Variants in RAB3GAP2 observed in about 807,000 individuals in gnomAD.
RAB3GAP2 encodes the protein rab3 GTPase-activating protein non-catalytic subunit.
A neutral mutation model predicts 185.3 loss-of-function variants in RAB3GAP2; 87 were observed. The ratio of observed to expected loss-of-function variants is 0.47; its 90% confidence interval spans 0.39 to 0.56. The LOEUF is 0.56. RAB3GAP2 is among the 20% of genes least tolerant of loss of function. RAB3GAP2 has a pLI of 0.00. For synonymous variants in RAB3GAP2, 554 were observed against 576.1 expected, an observed-to-expected ratio of 0.96 and a Z score of 0.55; for missense variants, 1,492 against 1,638.2, an observed-to-expected ratio of 0.91 and a Z score of 1.54.
intron 1 of RAB3GAP2, chr1:220,266,769 T>C: frequency 6.3e-7 from 1 of 1,593,004 alleles, no homozygotes; most frequent in South Asian, 1.1e-5. Flanking sequence ...TTTGCTGTGA[T>C]CCAGGGGTAT....
chr1:220,272,356 T>A lies in RAB3GAP2; in HGVS notation c.-19A>T. 2 of 1,574,516 alleles carry A rather than the reference T, an allele frequency of 1.3e-6. No individual in the cohort carries two copies. The highest frequency in any genetic ancestry group is 3.5e-5 in the Admixed American group (2 of 57,456). ...AGGCCATGGCTCCAGGGAACCCCACTACGGCACTCACCTTACCTCACCACG... is the reference window on the plus strand; with the variant it reads ...AGGCCATGGCTCCAGGGAACCCCACAACGGCACTCACCTTACCTCACCACG... On this transcript the variant is annotated 5_prime_UTR_variant, in exon 1 of 35. Transcript: ENST00000358951.
intron 2 of RAB3GAP2, among the ~76,000 whole-genome samples, chr1:220,227,668 G>A (rs1328585997): frequency 1.3e-5 from 2 of 152,138 alleles, no homozygotes; most frequent in Non-Finnish European, 2.9e-5. Context: ...CCCGACTAAT[G>A]CAGAAGAAAA....
At chr1:220,168,179 G>A (rs1330726688) in intron 24 of RAB3GAP2, among the ~76,000 whole-genome samples, 3 of 152,026 alleles carry the variant, frequency 2.0e-5, no homozygotes, top group East Asian at 1.9e-4. Flanking sequence ...TGCAACCTCC[G>A]CCTCCCAGGT....
chr1:220,203,805 T>TA (rs988444201), intron 8 of RAB3GAP2, among the ~76,000 whole-genome samples: 10 of 151,998 alleles, frequency 6.6e-5, no homozygotes, highest in African/African-American at 2.2e-4. Flanking sequence ...AAACTAATTG[T>TA]AAAAAAAGAA....
At chr1:220,157,582 T>C (rs1246059806) in intron 30 of RAB3GAP2, 94 bp from the exon 31 acceptor site, 1 of 1,287,412 alleles carries the variant, frequency 7.8e-7, no homozygotes, top group Admixed American at 1.8e-5. Flanking sequence ...AAGTGCAAAT[T>C]CATATTGCAC....
intron 1 of RAB3GAP2, among the ~76,000 whole-genome samples, chr1:220,237,748 G>T (rs1659621115): frequency 6.6e-6 from 1 of 152,094 alleles, no homozygotes; most frequent in African/African-American, 2.4e-5. Context: ...TCCTTTGCCT[G>T]TCATCACTCT....
At chr1:220,235,268 T>G (rs1242065203) in intron 1 of RAB3GAP2, among the ~76,000 whole-genome samples, 2 of 152,230 alleles carry the variant, frequency 1.3e-5, no homozygotes, top group Non-Finnish European at 2.9e-5. Context: ...TTTTGGCGAT[T>G]TAATTCAATT....
rs1228907168 is a variant in RAB3GAP2 at position 220,202,318 on chromosome 1, C to A, written c.769G>T (p.Gly257Cys). ...QPPPLAYKKWGLQDIDTIIDH... is the reference protein window; with the variant it reads ...QPPPLAYKKWCLQDIDTIIDH... ...ATAATAGTGTCAATATCTTGTAGAC[C>A]CCATTTCTTATAAGCTAATGGTGGT... The change falls in exon 9 of 35, where the codon GGT becomes TGT. Residue 257 changes from glycine to cysteine, a missense_variant. Physicochemically the swap from Gly to Cys is radical, Grantham distance 159. Around this residue, in one of 5 missense-constraint regions of RAB3GAP2, gnomAD observed 243 missense variants for 314.8 expected, o/e 0.77. Coordinates refer to ENST00000358951, the MANE Select transcript of RAB3GAP2 (RefSeq NM_012414.4). 1.2e-6 allele frequency: 2 copies of A among 1,613,576 alleles called. No homozygotes were observed. Among genetic ancestry groups the A allele is most frequent in the Non-Finnish European group, 1.7e-6 (2 of 1,179,870 alleles).
intron 23 of RAB3GAP2, among the ~76,000 whole-genome samples, 169 bp downstream of exon 23, chr1:220,171,720 A>G (rs547479662): frequency 6.0e-4 from 92 of 152,274 alleles, no homozygotes; most frequent in Non-Finnish European, 1.0e-3. Context: ...CCATGTGACA[A>G]CTGCTAAATT....
intron 1 of RAB3GAP2, among the ~76,000 whole-genome samples, chr1:220,237,862 AACT>A (rs1194577126): frequency 6.6e-6 from 1 of 151,592 alleles, no homozygotes; most frequent in Non-Finnish European, 1.5e-5. Flanking sequence ...ATTTTAAATT[AACT>A]AATAGCCATA....
intron 20 of RAB3GAP2, among the ~76,000 whole-genome samples, 164 bp downstream of exon 20, chr1:220,182,554 A>G (rs1000865694): frequency 9.2e-5 from 14 of 152,230 alleles, no homozygotes; most frequent in African/African-American, 1.4e-4. Context: ...CATTAATACA[A>G]CCTGTTGACC....
intron 1 of RAB3GAP2, among the ~76,000 whole-genome samples, chr1:220,240,973 T>C (rs1293361707): frequency 6.6e-6 from 1 of 152,092 alleles, no homozygotes; most frequent in African/African-American, 2.4e-5. Context: ...TTTACTAGTA[T>C]GAAAAACCTG....
intron 31 of RAB3GAP2, among the ~76,000 whole-genome samples, chr1:220,155,483 T>G (rs1657841103): frequency 6.6e-6 from 1 of 152,350 alleles, no homozygotes; most frequent in African/African-American, 2.4e-5. Context: ...AATCTGTTAC[T>G]CGATAGTTCC....
intron 1 of RAB3GAP2, among the ~76,000 whole-genome samples, chr1:220,242,292 A>G (rs1659710385): frequency 6.6e-6 from 1 of 152,224 alleles, no homozygotes; most frequent in South Asian, 2.1e-4. Flanking sequence ...GACACAATCC[A>G]ACACACAATA....
intron 1 of RAB3GAP2, chr1:220,253,522 G>A (rs1295551629): frequency 3.5e-5 from 54 of 1,539,424 alleles, no homozygotes; most frequent in Non-Finnish European, 4.1e-5. Flanking sequence ...AGTAGGGGGC[G>A]GTAGTCGGGG....
intron 1 of RAB3GAP2, chr1:220,254,595 A>G: frequency 7.3e-7 from 1 of 1,362,432 alleles, no homozygotes; most frequent in Non-Finnish European, 1.0e-6. Context: ...TTTTGTTCTT[A>G]GTCTATCTCT....
At chr1:220,246,730 T>C (rs377325152) in intron 1 of RAB3GAP2, among the ~76,000 whole-genome samples, 1 of 130,358 alleles carries the variant, frequency 7.7e-6, no homozygotes, top group South Asian at 2.8e-4. Flanking sequence ...TGAGATCACA[T>C]GGACACAGGA....
intron 4 of RAB3GAP2, 98 bp downstream of exon 4, chr1:220,212,789 A>C: frequency 9.8e-7 from 1 of 1,024,842 alleles, no homozygotes; most frequent in South Asian, 1.3e-5. Context: ...CACTGCACCC[A>C]ATCAAATAAT....
At chr1:220,235,022 C>G (rs1659565873) in intron 1 of RAB3GAP2, among the ~76,000 whole-genome samples, 2 of 152,048 alleles carry the variant, frequency 1.3e-5, no homozygotes, top group Non-Finnish European at 2.9e-5. Context: ...GTAGTTCGAC[C>G]AAAATCACAC....
Sources: gnomAD v4.1 joint callset for allele counts (sites outside exome capture counted in the v4.1 genomes callset) on GRCh38, gnomAD v4.1.1 for gene constraint, gnomAD v4.1.1 regional missense constraint, MANE v1.5 for transcripts, NCBI Gene and HGNC (gene_info 2026-07-23, HGNC 2026-07-21) for gene names.